TRPC7: variants seen among roughly 807,000 people sequenced by gnomAD.
TRPC7 encodes the protein transient receptor potential cation channel subfamily C member 7.
Under a neutral mutation model 90.1 loss-of-function variants are expected in TRPC7, and 42 were observed. The ratio of observed to expected loss-of-function variants is 0.47; its 90% CI spans 0.36 to 0.60. The LOEUF (loss-of-function observed/expected upper bound fraction) is 0.60, where lower values mean the gene tolerates loss of function less well. TRPC7 is among the 20% of genes least tolerant of loss of function. The pLI is 0.00. For synonymous variants in TRPC7, 451 were observed against 436.3 expected (o/e 1.03, Z -0.42); for missense variants, 955 against 1,112.3 (o/e 0.86, Z 2.01).
At chr5:136,274,903 C>T in intron 3 of TRPC7, 66 bp from the exon 4 acceptor site, 1 of 1,503,932 alleles carries the variant, frequency 6.6e-7, no homozygotes, top group Non-Finnish European at 8.9e-7. Context: ...AGCACTTGAA[C>T]AGTATACAAC....
At chr5:136,320,121 C>G (rs1264429075) in intron 2 of TRPC7, among the ~76,000 whole-genome samples, 1 of 151,492 alleles carries the variant, frequency 6.6e-6, no homozygotes, top group Non-Finnish European at 1.5e-5. Flanking sequence ...AGTCTCCTAC[C>G]TTATTTAGTA....
chr5:136,324,185 C>G (rs957565878), intron 2 of TRPC7, among the ~76,000 whole-genome samples: 9 of 151,970 alleles, frequency 5.9e-5, no homozygotes, highest in Admixed American at 3.3e-4. Context: ...CTTACTAGTG[C>G]CTTTAGATTC....
intron 9 of TRPC7, among the ~76,000 whole-genome samples, 173 bp downstream of exon 9, chr5:136,225,861 G>C (rs1472463907): frequency 6.6e-6 from 1 of 152,076 alleles, no homozygotes; most frequent in Admixed American, 6.5e-5. Context: ...AGCCTCTGCT[G>C]GCATTGGAGC....
intron 3 of TRPC7, among the ~76,000 whole-genome samples, chr5:136,282,258 A>G (rs2112672): frequency 0.12 from 18,410 of 152,176 alleles, 1,171 homozygotes; most frequent in African/African-American, 0.14. Context: ...ATTCCCTCAT[A>G]TTATCAAATA....
rs190206791 is a variant in TRPC7, at chr5:136,257,254, C to T, written c.1346-5372G>A. 4.6e-3 allele frequency among the ~76,000 whole-genome samples: 693 copies of T among 151,248 alleles called. 5 individuals are homozygous for T. Among genetic ancestry groups the T allele is most frequent in the African/African-American group, 0.016 (664 of 41,202 alleles). On this transcript the variant is annotated intron_variant, in intron 5 of 11. Coordinates refer to ENST00000513104, the MANE Select transcript of TRPC7 (RefSeq NM_020389.3). ...CTGGAGTGCAGTGGTGCGATCTCAG[C>T]TCACTGCAACCCCCACCTCCTGGGT... is the stretch of plus-strand genomic sequence containing the variant.
intron 3 of TRPC7, among the ~76,000 whole-genome samples, chr5:136,276,531 G>A (rs1246588145): frequency 6.6e-6 from 1 of 152,174 alleles, no homozygotes; most frequent in Non-Finnish European, 1.5e-5. Flanking sequence ...CCATTTCTGT[G>A]AACTCACGGT....
chr5:136,320,325 T>G (rs1580951178), intron 2 of TRPC7, among the ~76,000 whole-genome samples: 1 of 152,216 alleles, frequency 6.6e-6, no homozygotes, highest in Non-Finnish European at 1.5e-5. Flanking sequence ...CATAATGTAT[T>G]GCTTGGACTA....
intron 3 of TRPC7, among the ~76,000 whole-genome samples, chr5:136,281,236 C>T (rs1309514620): frequency 6.6e-6 from 1 of 152,164 alleles, no homozygotes; most frequent in African/African-American, 2.4e-5. Flanking sequence ...CTTGAAGCCC[C>T]TTTTCTTGAT....
intron 7 of TRPC7, among the ~76,000 whole-genome samples, chr5:136,245,002 C>A (rs1009097798): frequency 6.6e-6 from 1 of 152,196 alleles, no homozygotes; most frequent in African/African-American, 2.4e-5. Flanking sequence ...ATTGAAGGCT[C>A]ACTTTATGCC....
intron 2 of TRPC7, among the ~76,000 whole-genome samples, chr5:136,330,998 C>T (rs1759480758): frequency 6.6e-6 from 1 of 152,120 alleles, no homozygotes; most frequent in African/African-American, 2.4e-5. Flanking sequence ...TGGAGTCCCC[C>T]CGCCAGCAGT....
chr5:136,275,396 A>G (rs1281808804), intron 3 of TRPC7, among the ~76,000 whole-genome samples: 1 of 148,900 alleles, frequency 6.7e-6, no homozygotes, highest in Non-Finnish European at 1.5e-5. Flanking sequence ...AAAAAAAAAA[A>G]TCCCCTCTCT....
At chr5:136,301,707 T>G (rs1182012680) in intron 3 of TRPC7, among the ~76,000 whole-genome samples, 1 of 152,198 alleles carries the variant, frequency 6.6e-6, no homozygotes, top group Non-Finnish European at 1.5e-5. Context: ...CTATAAGAAC[T>G]AATGATAATC....
chr5:136,313,387 CT>C (rs1758903480), intron 3 of TRPC7, among the ~76,000 whole-genome samples: 4 of 144,086 alleles, frequency 2.8e-5, no homozygotes, highest in Non-Finnish European at 6.1e-5. Context: ...GTCTATCTAT[CT>C]ATCTATCTAT....
rs1490877892 is a variant in TRPC7, at chr5:136,263,643, G to GAATAATAT, written c.1345+2569_1345+2576dup. On this transcript the variant is annotated intron_variant, in intron 5 of 11. Coordinates refer to ENST00000513104, the MANE Select transcript of TRPC7 (RefSeq NM_020389.3). The stretch of plus-strand genomic sequence containing the variant: ...AGAACCAAATAAGATTTTAAGAATT[G>GAATAATAT]AATAATATAATATCTGAAATGAAAA... Among the ~76,000 whole-genome samples the GAATAATAT allele has an allele frequency of 2.0e-5, 3 of 150,758 alleles. No individual in the cohort carries two copies. In the East Asian group the frequency reaches 6.1e-4, roughly 31 times the overall value.
At chr5:136,297,658 A>G (rs1377299778) in intron 3 of TRPC7, among the ~76,000 whole-genome samples, 3 of 152,134 alleles carry the variant, frequency 2.0e-5, no homozygotes. Flanking sequence ...TAATAATTTT[A>G]TTAATTAAAC....
At chr5:136,237,977 G>A (rs1756041215) in intron 7 of TRPC7, among the ~76,000 whole-genome samples, 1 of 152,014 alleles carries the variant, frequency 6.6e-6, no homozygotes, top group Non-Finnish European at 1.5e-5. Context: ...AAGGCCCTGG[G>A]TAGTCTGGTT....
At chr5:136,248,958 T>C (rs893862926) in intron 6 of TRPC7, among the ~76,000 whole-genome samples, 1 of 152,208 alleles carries the variant, frequency 6.6e-6, no homozygotes, top group African/African-American at 2.4e-5. Flanking sequence ...GACAGATCTG[T>C]ACAATGAAAA....
intron 3 of TRPC7, among the ~76,000 whole-genome samples, chr5:136,279,809 A>G (rs1757486470): frequency 6.6e-6 from 1 of 152,062 alleles, no homozygotes; most frequent in Non-Finnish European, 1.5e-5. Context: ...CTGTTTCCAA[A>G]CCTGGCATAT....
chr5:136,336,609 A>G (rs994089995), intron 2 of TRPC7, among the ~76,000 whole-genome samples: 2 of 151,836 alleles, frequency 1.3e-5, no homozygotes, highest in East Asian at 1.9e-4. Context: ...TGCTGCACCC[A>G]TTAACTCATC....
Sources: gnomAD v4.1 joint callset for allele counts (sites outside exome capture counted in the v4.1 genomes callset) on GRCh38, gnomAD v4.1.1 for gene constraint, MANE v1.5 for transcripts, NCBI Gene and HGNC (gene_info 2026-07-23, HGNC 2026-07-21) for gene names.